Variants in SFXN5 observed in about 807,000 individuals in gnomAD.
SFXN5 encodes the protein sideroflexin-5.
Under a neutral mutation model 50.2 loss-of-function variants are expected in SFXN5, and 43 were observed. The ratio of observed to expected loss-of-function variants is 0.86; its 90% CI spans 0.67 to 1.11. SFXN5 has a LOEUF of 1.11. Among genes scored for constraint, SFXN5 ranks in the 50% least tolerant of loss-of-function variants. The pLI, the probability that SFXN5 is intolerant of heterozygous loss-of-function variation, is 0.00. For missense variants in SFXN5, 463 were observed against 454.1 expected, an observed-to-expected ratio of 1.02 and a Z score of -0.18; for synonymous variants, 203 against 185.8, an observed-to-expected ratio of 1.09 and a Z score of -0.75.
chr2:73,004,281 T>G (rs1674302701), intron 6 of SFXN5, among the ~76,000 whole-genome samples: 1 of 149,010 alleles, frequency 6.7e-6, no homozygotes, highest in Non-Finnish European at 1.5e-5. Context: ...CTGCTCCCAA[T>G]GGAGAAAGCC....
intron 6 of SFXN5, among the ~76,000 whole-genome samples, chr2:73,002,856 G>A (rs899064327): frequency 2.0e-5 from 3 of 152,126 alleles, no homozygotes; most frequent in African/African-American, 7.2e-5. Flanking sequence ...AGAATCAGGG[G>A]AACCTGGGTC....
intron 3 of SFXN5, among the ~76,000 whole-genome samples, chr2:73,031,123 T>A (rs1359973248): frequency 1.3e-5 from 2 of 152,192 alleles, no homozygotes; most frequent in Non-Finnish European, 2.9e-5. Context: ...CATGTCCTAT[T>A]GTGTTGTCCA....
At chr2:73,013,659 A>C (rs1333186236) in intron 6 of SFXN5, among the ~76,000 whole-genome samples, 3 of 152,112 alleles carry the variant, frequency 2.0e-5, no homozygotes, top group Non-Finnish European at 2.9e-5. Flanking sequence ...AGAGATGTGA[A>C]TAATACCTCT....
chr2:73,023,914 C>T (rs890416344), intron 3 of SFXN5, among the ~76,000 whole-genome samples: 1 of 152,180 alleles, frequency 6.6e-6, no homozygotes, highest in Non-Finnish European at 1.5e-5. Context: ...AACGGAGTAA[C>T]TTGTCAATCC....
At chr2:73,065,340 A>G (rs1392050412) in intron 1 of SFXN5, among the ~76,000 whole-genome samples, 1 of 152,106 alleles carries the variant, frequency 6.6e-6, no homozygotes, top group Non-Finnish European at 1.5e-5. Flanking sequence ...GCCTCAAGCA[A>G]TCCTCCTGCC....
intron 11 of SFXN5, among the ~76,000 whole-genome samples, chr2:72,971,186 G>A (rs1288786017): frequency 6.6e-6 from 1 of 152,054 alleles, no homozygotes; most frequent in Non-Finnish European, 1.5e-5. Context: ...GGCCTCCCAG[G>A]CTTCCTCGGC....
At chr2:72,946,264 TCTC>T (rs1671918915) in intron 13 of SFXN5, among the ~76,000 whole-genome samples, 1 of 152,086 alleles carries the variant, frequency 6.6e-6, no homozygotes, top group Non-Finnish European at 1.5e-5. Context: ...ACCTGGTCTC[TCTC>T]CTCCCCAGCA....
At chr2:72,971,744 G>A in intron 10 of SFXN5, 59 bp from the exon 11 acceptor site, 2 of 1,320,320 alleles carry the variant, frequency 1.5e-6, no homozygotes, top group African/African-American at 1.4e-5. Context: ...TCCACCTGGA[G>A]GGAGGTCACT....
Position 73,058,395 on chromosome 2 carries a change from T to A in SFXN5, c.171+133A>T, listed in dbSNP as rs539278969. ...GACAGCTACAGGTAGAGAGAATTTG[T>A]TACCTTCCTCTCACCTCTCACCTCC... On this transcript the variant is annotated intron_variant, in intron 2 of 13. Transcript: ENST00000272433. 5.9e-5 allele frequency: 44 copies of A among 751,154 alleles called. No homozygotes were observed. In the African/African-American group the frequency reaches 7.0e-4, roughly 12 times the overall value. 46.5% of individuals were successfully genotyped at this position (751,154 alleles called of 1,614,324 possible).
intron 6 of SFXN5, among the ~76,000 whole-genome samples, chr2:73,004,315 GCACACACA>G (rs59114781): frequency 4.4e-4 from 51 of 115,664 alleles, no homozygotes; most frequent in Non-Finnish European, 8.3e-4. Context: ...GAGTGCGCGC[GCACACACA>G]CACACACACA....
At chr2:73,045,137 T>A (rs920884374) in intron 2 of SFXN5, among the ~76,000 whole-genome samples, 3 of 152,136 alleles carry the variant, frequency 2.0e-5, no homozygotes, top group African/African-American at 7.2e-5. Context: ...ATGGGGGCCA[T>A]CCCCTCTCTG....
At chr2:72,966,815 C>T (rs1473624296) in intron 12 of SFXN5, among the ~76,000 whole-genome samples, 1 of 152,238 alleles carries the variant, frequency 6.6e-6, no homozygotes, top group African/African-American at 2.4e-5. Context: ...AGTGCTTCCT[C>T]TTCTCAAGGT....
At position 72,990,358 on chromosome 2, in the gene SFXN5, G is replaced by A. The variant is rs116823614; in HGVS notation, c.535-2010C>T. On this transcript the variant is annotated intron_variant, in intron 9 of 13. Transcript: ENST00000272433. ...CAGTGGGCAGGGCTGGGGAGCTGCC[G>A]GCTCATACTGGGCCCTGCTGCCCCC... 3.2e-3 allele frequency among the ~76,000 whole-genome samples: 488 copies of A among 152,234 alleles called. 1 individual carries two copies. The highest frequency in any genetic ancestry group is 0.011 in the African/African-American group (468 of 41,560).
chr2:72,979,369 C>CTTTGAG (rs773238272), intron 10 of SFXN5, among the ~76,000 whole-genome samples: 9,538 of 152,170 alleles, frequency 0.063, 379 homozygotes, highest in East Asian at 0.17. Context: ...TGCAGTGGCT[C>CTTTGAG]ATGCCTGTAA....
chr2:73,024,700 T>C (rs1025989805), intron 3 of SFXN5, among the ~76,000 whole-genome samples: 2 of 152,108 alleles, frequency 1.3e-5, no homozygotes, highest in African/African-American at 2.4e-5. Context: ...AAGGCCAGTA[T>C]ATTTTTTTAA....
chr2:73,056,821 C>T (rs974198788), intron 2 of SFXN5, among the ~76,000 whole-genome samples: 1 of 152,184 alleles, frequency 6.6e-6, no homozygotes, highest in Admixed American at 6.5e-5. Context: ...CTCTCATACA[C>T]TGCTGATGGA....
At chr2:73,055,607 T>C (rs1352199894) in intron 2 of SFXN5, among the ~76,000 whole-genome samples, 1 of 148,690 alleles carries the variant, frequency 6.7e-6, no homozygotes. Context: ...TCTTTTTTTT[T>C]TTTTTTTTGA....
At chr2:73,033,033 C>T (rs58545640) in intron 3 of SFXN5, among the ~76,000 whole-genome samples, 396 of 152,252 alleles carry the variant, frequency 2.6e-3, no homozygotes, top group Middle Eastern at 0.01. Context: ...TCCCTATACA[C>T]GCAGTTTGTT....
chr2:72,991,331 T>C (rs887207992), intron 9 of SFXN5, among the ~76,000 whole-genome samples: 1 of 152,212 alleles, frequency 6.6e-6, no homozygotes, highest in African/African-American at 2.4e-5. Context: ...CCAGCATGGA[T>C]GGGGTGACAT....
Sources: allele counts gnomAD v4.1 joint callset (sites outside exome capture counted in the v4.1 genomes callset), GRCh38; gene constraint gnomAD v4.1.1; transcripts MANE v1.5; gene names NCBI Gene and HGNC (gene_info 2026-07-23, HGNC 2026-07-21).